Variants in CCSER1 observed in about 807,000 individuals in gnomAD.
CCSER1 encodes serine-rich coiled-coil domain-containing protein 1.
In CCSER1, 41 loss-of-function variants were observed where a neutral mutation model predicts 82.0. The ratio of observed to expected loss-of-function variants is 0.50; its 90% CI spans 0.39 to 0.65. The LOEUF is 0.65. Among genes scored for constraint, CCSER1 ranks in the 30% least tolerant of loss-of-function variants. The pLI is 0.00. For missense variants in CCSER1, 1,119 were observed against 1,064.2 expected (o/e 1.05, Z -0.72); for synonymous variants, 414 against 383.9 (o/e 1.08, Z -0.92).
intron 10 of CCSER1, among the ~76,000 whole-genome samples, chr4:91,233,542 A>T (rs898578811): frequency 2.0e-5 from 3 of 151,996 alleles, no homozygotes; most frequent in Non-Finnish European, 2.9e-5. Flanking sequence ...CATTAACAAG[A>T]TAAACCATTA....
chr4:91,267,660 T>C (rs1018768327), intron 10 of CCSER1, among the ~76,000 whole-genome samples: 3 of 152,148 alleles, frequency 2.0e-5, no homozygotes, highest in Non-Finnish European at 4.4e-5. Context: ...TTTAGATAAG[T>C]GTCTTTTGGG....
chr4:91,293,838 G>A (rs942196897), intron 10 of CCSER1, among the ~76,000 whole-genome samples: 8 of 151,926 alleles, frequency 5.3e-5, no homozygotes, highest in African/African-American at 1.9e-4. Context: ...TGGTCAGGCT[G>A]TCAAGTTTAA....
intron 1 of CCSER1, among the ~76,000 whole-genome samples, chr4:90,178,038 T>C (rs1733032564): frequency 6.6e-6 from 1 of 152,048 alleles, no homozygotes; most frequent in African/African-American, 2.4e-5. Context: ...ATCCAAAACA[T>C]TTCTGGTCTC....
intron 9 of CCSER1, among the ~76,000 whole-genome samples, chr4:91,068,342 A>G (rs1027541447): frequency 6.6e-6 from 1 of 152,238 alleles, no homozygotes; most frequent in Non-Finnish European, 1.5e-5. Flanking sequence ...TGTCAAAATT[A>G]TGAAACATTG....
At chr4:90,358,212 T>C (rs1744695624) in intron 3 of CCSER1, among the ~76,000 whole-genome samples, 1 of 152,054 alleles carries the variant, frequency 6.6e-6, no homozygotes, top group African/African-American at 2.4e-5. Context: ...TTTATCTATT[T>C]AAACTTTTGT....
intron 6 of CCSER1, among the ~76,000 whole-genome samples, chr4:90,710,352 T>C (rs1240433249): frequency 6.6e-6 from 1 of 152,166 alleles, no homozygotes; most frequent in Non-Finnish European, 1.5e-5. Flanking sequence ...CATTGGTCAA[T>C]TTTTGCTTTT....
chr4:90,480,421 C>T (rs933555397), intron 5 of CCSER1, among the ~76,000 whole-genome samples: 2 of 152,120 alleles, frequency 1.3e-5, no homozygotes, highest in African/African-American at 4.8e-5. Flanking sequence ...GTTTCCATTG[C>T]TTTTGGTGTT....
intron 5 of CCSER1, among the ~76,000 whole-genome samples, chr4:90,577,698 T>C (rs1780918932): frequency 6.6e-6 from 1 of 152,116 alleles, no homozygotes; most frequent in African/African-American, 2.4e-5. Context: ...TACTTATTTT[T>C]TAAAATTTTT....
intron 10 of CCSER1, among the ~76,000 whole-genome samples, chr4:91,384,427 T>TA (rs1751140750): frequency 1.3e-5 from 2 of 151,518 alleles, no homozygotes; most frequent in Admixed American, 1.3e-4. Flanking sequence ...AACATGATAT[T>TA]AGATTTTTCA....
At chr4:91,366,765 A>G (rs1749644298) in intron 10 of CCSER1, among the ~76,000 whole-genome samples, 1 of 152,230 alleles carries the variant, frequency 6.6e-6, no homozygotes, top group South Asian at 2.1e-4. Flanking sequence ...GGTTGTTAGT[A>G]ACACTATACC....
chr4:90,445,832 A>G (rs1760573512), intron 4 of CCSER1, among the ~76,000 whole-genome samples: 1 of 152,142 alleles, frequency 6.6e-6, no homozygotes, highest in Non-Finnish European at 1.5e-5. Flanking sequence ...GAATGTTGCT[A>G]TATATCTTGA....
intron 5 of CCSER1, among the ~76,000 whole-genome samples, chr4:90,596,502 A>T (rs988565878): frequency 1.6e-4 from 25 of 151,858 alleles, no homozygotes; most frequent in Admixed American, 7.2e-4. Flanking sequence ...GCTATAAAAC[A>T]CATCCCTGTC....
intron 5 of CCSER1, among the ~76,000 whole-genome samples, chr4:90,625,278 A>T (rs1723060454): frequency 6.6e-6 from 1 of 152,190 alleles, no homozygotes. Context: ...GGATAATTTT[A>T]GGTGAATTTA....
intron 1 of CCSER1, among the ~76,000 whole-genome samples, chr4:90,244,477 C>CA (rs1479047973): frequency 6.6e-6 from 1 of 152,104 alleles, no homozygotes; most frequent in Non-Finnish European, 1.5e-5. Context: ...TCTGTTCTCA[C>CA]AATGCCATAA....
chr4:90,756,669 G>T (rs1405301824), intron 7 of CCSER1, among the ~76,000 whole-genome samples: 1 of 151,902 alleles, frequency 6.6e-6, no homozygotes. Flanking sequence ...CAATTTTTTA[G>T]AAGACTTGGC....
chr4:90,387,806 T>C (rs1368949747), intron 3 of CCSER1, among the ~76,000 whole-genome samples: 3 of 152,202 alleles, frequency 2.0e-5, no homozygotes, highest in Non-Finnish European at 1.5e-5. Context: ...CCTTCCAGTT[T>C]CTACCCTATG....
intron 10 of CCSER1, among the ~76,000 whole-genome samples, chr4:91,408,520 T>C (rs1194286850): frequency 6.6e-6 from 1 of 152,250 alleles, no homozygotes; most frequent in Non-Finnish European, 1.5e-5. Flanking sequence ...TTTTTAATAC[T>C]GAATCCTCAG....
intron 5 of CCSER1, among the ~76,000 whole-genome samples, chr4:90,592,604 TACGC>T (rs919478471): frequency 1.1e-4 from 16 of 152,146 alleles, no homozygotes; most frequent in African/African-American, 3.6e-4. Flanking sequence ...AATCATCTCT[TACGC>T]ACAGCCTACT....
At chr4:91,134,669 G>C (rs1030279322) in intron 10 of CCSER1, among the ~76,000 whole-genome samples, 1 of 152,112 alleles carries the variant, frequency 6.6e-6, no homozygotes, top group East Asian at 1.9e-4. Context: ...TCACCATTTA[G>C]CAGTCATCAC....
Sources: gnomAD v4.1 joint callset for allele counts (sites outside exome capture counted in the v4.1 genomes callset) on GRCh38, gnomAD v4.1.1 for gene constraint, MANE v1.5 for transcripts, NCBI Gene and HGNC (gene_info 2026-07-23, HGNC 2026-07-21) for gene names.